Variants in KCNIP4 observed in about 807,000 individuals in gnomAD.
KCNIP4 encodes Kv channel-interacting protein 4.
Under a neutral mutation model 34.0 loss-of-function variants are expected in KCNIP4, and 12 were observed. The ratio of observed to expected loss-of-function variants is 0.35; its 90% CI spans 0.23 to 0.57. The LOEUF (loss-of-function observed/expected upper bound fraction) is 0.57. KCNIP4 is among the 20% of genes least tolerant of loss of function. KCNIP4 has a pLI of 0.83. For missense variants in KCNIP4, 238 were observed against 311.7 expected (o/e 0.76, Z 1.78); for synonymous variants, 124 against 102.2 (o/e 1.21, Z -1.29).
intron 1 of KCNIP4, among the ~76,000 whole-genome samples, chr4:20,931,784 G>A (rs1730497482): frequency 6.6e-6 from 1 of 151,870 alleles, no homozygotes; most frequent in South Asian, 2.1e-4. Context: ...ATGGTGGGTG[G>A]GGGAAAAAAT....
chr4:21,372,267 CT>C (rs1307172099), intron 1 of KCNIP4, among the ~76,000 whole-genome samples: 1 of 146,642 alleles, frequency 6.8e-6, no homozygotes, highest in East Asian at 2.0e-4. Flanking sequence ...TATAATTTAT[CT>C]GAAAATTCCA....
At chr4:21,793,955 T>TA (rs1208034467) in intron 1 of KCNIP4, among the ~76,000 whole-genome samples, 1 of 152,072 alleles carries the variant, frequency 6.6e-6, no homozygotes, top group Non-Finnish European at 1.5e-5. Flanking sequence ...TATGCAGCCA[T>TA]AAAAAAGGAT....
At chr4:20,836,103 A>T (rs1719009768) in intron 3 of KCNIP4, among the ~76,000 whole-genome samples, 1 of 152,120 alleles carries the variant, frequency 6.6e-6, no homozygotes, top group Admixed American at 6.5e-5. Flanking sequence ...AATTTGTGTC[A>T]TTCTCCTACT....
At chr4:21,798,866 A>G (rs1307150953) in intron 1 of KCNIP4, among the ~76,000 whole-genome samples, 2 of 152,154 alleles carry the variant, frequency 1.3e-5, no homozygotes, top group African/African-American at 4.8e-5. Flanking sequence ...GTTAAAAACT[A>G]CTAATATATT....
chr4:20,800,787 T>C (rs936015488), intron 3 of KCNIP4, among the ~76,000 whole-genome samples: 1 of 152,158 alleles, frequency 6.6e-6, no homozygotes, highest in African/African-American at 2.4e-5. Flanking sequence ...TTGGGACTTA[T>C]GGGATATCAT....
intron 1 of KCNIP4, among the ~76,000 whole-genome samples, chr4:21,328,267 T>A (rs917606384): frequency 6.6e-6 from 1 of 152,212 alleles, no homozygotes; most frequent in Admixed American, 6.5e-5. Flanking sequence ...TGCAGCCACA[T>A]CTGCATTAGA....
At chr4:21,899,813 T>A (rs1234028943) in intron 1 of KCNIP4, among the ~76,000 whole-genome samples, 2 of 152,098 alleles carry the variant, frequency 1.3e-5, no homozygotes, top group Non-Finnish European at 2.9e-5. Context: ...TAGAAAGATA[T>A]CCCATGTTCA....
rs144228031 is a variant in KCNIP4, at chr4:21,110,933, C to T, written c.62-228224G>A. Among the ~76,000 whole-genome samples, 614 of 152,334 alleles carry T rather than the reference C, an allele frequency of 4.0e-3. 6 individuals are homozygous for T. The highest frequency in any genetic ancestry group is 0.017 in the Middle Eastern group (5 of 294). On this transcript the variant is annotated intron_variant, in intron 1 of 8. Transcript: ENST00000382152. ...TGCCATTTTGTTATTACAACCCTAA[C>T]AGCCAAGGACATTTATAAATAAGTT...
intron 1 of KCNIP4, among the ~76,000 whole-genome samples, chr4:21,373,851 G>A (rs1720719177): frequency 6.8e-6 from 1 of 146,574 alleles, no homozygotes; most frequent in Admixed American, 6.6e-5. Context: ...GATTACAGGT[G>A]CTCCTCCATA....
intron 1 of KCNIP4, among the ~76,000 whole-genome samples, chr4:20,935,039 C>A (rs1345642927): frequency 6.6e-6 from 1 of 152,182 alleles, no homozygotes; most frequent in Non-Finnish European, 1.5e-5. Flanking sequence ...TGTATGTCCA[C>A]CTTTCCATGT....
chr4:21,031,069 G>A (rs190360069), intron 1 of KCNIP4, among the ~76,000 whole-genome samples: 3 of 152,128 alleles, frequency 2.0e-5, no homozygotes, highest in Non-Finnish European at 2.9e-5. Flanking sequence ...TCAGGGTCAG[G>A]TTCCATCTTC....
chr4:21,337,348 C>T (rs1329054680), intron 1 of KCNIP4, among the ~76,000 whole-genome samples: 1 of 151,968 alleles, frequency 6.6e-6, no homozygotes, highest in Admixed American at 6.6e-5. Flanking sequence ...AAAATGATGC[C>T]ATGAAACCAA....
chr4:21,265,269 T>A (rs763135623), intron 1 of KCNIP4, among the ~76,000 whole-genome samples: 1 of 152,010 alleles, frequency 6.6e-6, no homozygotes, highest in Non-Finnish European at 1.5e-5. Context: ...TACCTGAATG[T>A]GTTTGCATAA....
intron 1 of KCNIP4, among the ~76,000 whole-genome samples, chr4:21,023,214 T>C (rs1740231229): frequency 6.6e-6 from 1 of 152,104 alleles, no homozygotes; most frequent in Admixed American, 6.6e-5. Flanking sequence ...GTTAAAGACC[T>C]AAATGAAATC....
chr4:21,449,636 GTATA>G (rs200001446), intron 1 of KCNIP4, among the ~76,000 whole-genome samples: 2 of 147,476 alleles, frequency 1.4e-5, no homozygotes, highest in African/African-American at 5.0e-5. Context: ...TTATATATAT[GTATA>G]TATATATATA....
At position 21,761,784 on chromosome 4, in the gene KCNIP4, T is replaced by C. The variant is rs139331883; in HGVS notation, c.61+186787A>G. On this transcript the variant is annotated intron_variant, in intron 1 of 8. Coordinates refer to ENST00000382152, the MANE Select transcript of KCNIP4 (RefSeq NM_025221.6). ...GGGAAAATTGTATTGTTTAACAACA[T>C]TAAAAAAAAATTCCTTACTTTGCAA... 1.3e-3 allele frequency among the ~76,000 whole-genome samples: 195 copies of C among 152,120 alleles called. 1 individual carries two copies. The highest frequency in any genetic ancestry group is 4.4e-3 in the African/African-American group (184 of 41,532).
At chr4:21,352,392 C>T (rs1718096835) in intron 1 of KCNIP4, among the ~76,000 whole-genome samples, 1 of 152,196 alleles carries the variant, frequency 6.6e-6, no homozygotes, top group Admixed American at 6.5e-5. Flanking sequence ...CCATGATAGA[C>T]TGTACCTGGA....
chr4:21,564,644 A>C (rs1332601753), intron 1 of KCNIP4, among the ~76,000 whole-genome samples: 3 of 152,092 alleles, frequency 2.0e-5, no homozygotes, highest in Non-Finnish European at 2.9e-5. Flanking sequence ...TACTATGAAG[A>C]GATACCTGAG....
At chr4:21,208,347 T>C (rs1385953274) in intron 1 of KCNIP4, among the ~76,000 whole-genome samples, 1 of 152,202 alleles carries the variant, frequency 6.6e-6, no homozygotes, top group African/African-American at 2.4e-5. Flanking sequence ...TAGACTACTC[T>C]TTCTAAGATA....
Sources: allele counts gnomAD v4.1 joint callset (sites outside exome capture counted in the v4.1 genomes callset), GRCh38; gene constraint gnomAD v4.1.1; transcripts MANE v1.5; gene names NCBI Gene and HGNC (gene_info 2026-07-23, HGNC 2026-07-21).